The following MORC4 variants were observed in gnomAD, a reference collection of about 807,000 sequenced individuals.
MORC4 encodes MORC family CW-type zinc finger 4, also known as MORC family CW-type zinc finger protein 4.
A neutral mutation model predicts 65.5 loss-of-function variants in MORC4; 22 were observed. That is an observed-to-expected ratio of 0.34 (90% CI 0.24 to 0.48). The LOEUF (loss-of-function observed/expected upper bound fraction) is 0.48. Among genes scored for constraint, MORC4 ranks in the 20% least tolerant of loss-of-function variants. MORC4 has a pLI of 0.99. For missense variants in MORC4, 624 were observed against 703.0 expected, an observed-to-expected ratio of 0.89 and a Z score of 1.27; for synonymous variants, 267 against 255.8, an observed-to-expected ratio of 1.04 and a Z score of -0.42.
chrX:106,947,573 A>ATATATATATATATATAATATATATAT (rs1933870065), intron 14 of MORC4, among the ~76,000 whole-genome samples: 1 of 72,564 alleles, frequency 1.4e-5, no homozygotes, highest in African/African-American at 8.0e-5. Context: ...TATATATATT[A>ATATATATATATATATAATATATATAT]TATATATATA....
At chrX:106,954,862 AAAACAG>A in intron 14 of MORC4, 45 bp downstream of exon 14, 1 of 1,115,521 alleles carries the variant, frequency 9.0e-7, no homozygotes. Flanking sequence ...ACTCTACAGG[AAAACAG>A]ACTCTAAAGC....
At position 106,942,522 on chromosome X, in the gene MORC4, TG is replaced by T. The variant is rs769688744; in HGVS notation, c.2368del (p.Gln790SerfsTer26). On this transcript the variant is annotated frameshift_variant, in exon 15 of 17. Transcript: ENST00000355610. LOFTEE classifies it high-confidence loss of function. ...ERVLAERNLFQQKVEELEQER... is the reference protein window; with the variant it reads ...ERVLAERNLFXQKVEELEQER... ...GTGAGGTATTACCCTAACCTTTTGC[TG>T]GAACAAATTCCTTTCAGCCAAAACA... The T allele has an allele frequency of 8.3e-7, 1 of 1,208,651 alleles. No homozygotes were observed. The highest frequency in any genetic ancestry group is 3.0e-5 in the East Asian group (1 of 33,852).
intron 15 of MORC4, 90 bp downstream of exon 15, chrX:106,942,425 G>T: frequency 1.1e-6 from 1 of 918,921 alleles, no homozygotes; most frequent in Non-Finnish European, 1.5e-6. Flanking sequence ...TTATTTAAAG[G>T]CCTCAGAACA....
intron 9 of MORC4, among the ~76,000 whole-genome samples, chrX:106,972,640 C>T (rs1196297094): frequency 1.8e-5 from 2 of 111,429 alleles, no homozygotes; most frequent in South Asian, 7.7e-4. Flanking sequence ...GGCACGCTAG[C>T]ATGAAAGCTA....
At chrX:106,998,036 T>C (rs938958182) in intron 2 of MORC4, among the ~76,000 whole-genome samples, 1 of 112,659 alleles carries the variant, frequency 8.9e-6, no homozygotes, top group African/African-American at 3.2e-5. Flanking sequence ...ATCTGTGTTG[T>C]ATTCATTTTT....
At chrX:106,960,289 G>A (rs1003918419) in intron 10 of MORC4, among the ~76,000 whole-genome samples, 4 of 112,309 alleles carry the variant, frequency 3.6e-5, no homozygotes, top group East Asian at 5.6e-4. Flanking sequence ...CCTCTGTTTC[G>A]GGTTCCATGC....
chrX:106,972,376 T>C (rs1297334278), intron 9 of MORC4, among the ~76,000 whole-genome samples: 1 of 110,629 alleles, frequency 9.0e-6, no homozygotes, highest in African/African-American at 3.3e-5. Context: ...GGTGAAGGGT[T>C]GATGGGTGCA....
At position 106,943,118 on chromosome X, in the gene MORC4, G is replaced by A. The variant is rs1487385993; in HGVS notation, c.1773C>T (p.Ser591=). ...NEMTTPSLDY[S]MPAPYRRVEA... ...CTACCCTCCTGTAAGGAGCAGGCAT[G>A]GAATAATCTAGAGAAGGTGTTGTCA... is the stretch of plus-strand genomic sequence containing the variant. The change falls in exon 15 of 17, where the codon TCC becomes TCT. Residue 591 remains serine (S), a synonymous_variant. Transcript: ENST00000355610. 3.3e-6 allele frequency: 4 copies of A among 1,210,730 alleles called. No individual in the cohort carries two copies. In the East Asian group the frequency reaches 8.9e-5, roughly 27 times the overall value.
rs942633597 is a variant in MORC4, at chrX:106,958,389, T to G, written c.1332A>C (p.Pro444=). 3 of 1,200,990 alleles carry G rather than the reference T, an allele frequency of 2.5e-6. No individual in the cohort carries two copies. In the African/African-American group the frequency reaches 5.3e-5, roughly 21 times the overall value. Residue 444 remains proline, a synonymous_variant, in exon 11 of 17, where the codon CCA becomes CCC. Transcript: ENST00000355610. ...AAAACCATCTTGCAGGTAACATGGA[T>G]GGATCAATCTTCCCAGGAAGCTTTC... ...KWRKLPGKID[P]SMLPARWFCY... is the part of the protein sequence containing the mutation.
In MORC4 at chrX:106,943,086, G is replaced by A; in HGVS notation, c.1805C>T (p.Pro602Leu). ...GTTCTCCCCTTCTGGGTAGGCAACA[G>A]GTGCTTCTACCCTCCTGTAAGGAGC... ...MPAPYRRVEAPVAYPEGENSH... is the reference protein window; with the variant it reads ...MPAPYRRVEALVAYPEGENSH... The change falls in exon 15 of 17, where the codon CCT becomes CTT. Residue 602 changes from proline (P) to leucine (L), a missense_variant. Pro to Leu is a moderately conservative substitution (Grantham distance 98). Coordinates refer to ENST00000355610, the MANE Select transcript of MORC4 (RefSeq NM_024657.5). 2 of 1,210,809 alleles carry A rather than the reference G, an allele frequency of 1.7e-6. No individual in the cohort carries two copies. The highest frequency in any genetic ancestry group is 2.2e-6 in the Non-Finnish European group (2 of 894,565).
At chrX:106,967,258 A>G (rs1018838225) in intron 9 of MORC4, among the ~76,000 whole-genome samples, 1 of 112,156 alleles carries the variant, frequency 8.9e-6, no homozygotes, top group Non-Finnish European at 1.9e-5. Flanking sequence ...AGAAAGGCAT[A>G]GCATCAACAT....
intron 5 of MORC4, among the ~76,000 whole-genome samples, chrX:106,981,858 C>G (rs1384665107): frequency 4.5e-5 from 5 of 111,888 alleles, no homozygotes; most frequent in Non-Finnish European, 7.5e-5. Flanking sequence ...ACTGAATAAA[C>G]AGATGAATCA....
In MORC4 at chrX:106,976,598, A is replaced by G. The variant is rs908669843; in HGVS notation, c.1143T>C (p.Tyr381=). The G allele has an allele frequency of 2.5e-6, 3 of 1,199,802 alleles. No individual in the cohort carries two copies. The African/African-American group carries it at 5.3e-5, about 21-fold the overall frequency. The change falls in exon 9 of 17, where the codon TAT becomes TAC. Residue 381 remains tyrosine, a synonymous_variant. Transcript: ENST00000355610. ...KPAYNKQDFE[Y]TKEYRLTINA... is the part of the protein sequence containing the mutation. ...GAGTGACTCACCGGTACTCCTTGGT[A>G]TACTCAAAGTCTTGTTTGTTGTAGG...
intron 8 of MORC4, 37 bp from the exon 9 acceptor site, chrX:106,976,721 T>C: frequency 9.8e-7 from 1 of 1,016,954 alleles, no homozygotes; most frequent in African/African-American, 1.8e-5. Flanking sequence ...CTTACATTAC[T>C]GTTGGCTGCC....
chrX:106,949,176 CTGT>C (rs1168167414), intron 14 of MORC4, among the ~76,000 whole-genome samples: 5 of 111,381 alleles, frequency 4.5e-5, no homozygotes, highest in African/African-American at 1.6e-4. Flanking sequence ...CTCTAATGTG[CTGT>C]TGAGTCCCTT....
At chrX:106,950,273 C>T (rs192673322) in intron 14 of MORC4, among the ~76,000 whole-genome samples, 9 of 111,360 alleles carry the variant, frequency 8.1e-5, no homozygotes, top group Non-Finnish European at 1.7e-4. Context: ...GTTATAATTG[C>T]CCTCATAATT....
chrX:106,956,432 T>TG, intron 13 of MORC4, 48 bp downstream of exon 13: 2 of 1,052,908 alleles, frequency 1.9e-6, no homozygotes, highest in Non-Finnish European at 2.7e-6. Flanking sequence ...TATTTTCTGT[T>TG]GGGGAAAATG....
intron 9 of MORC4, among the ~76,000 whole-genome samples, chrX:106,970,847 T>G (rs1934493639): frequency 8.9e-6 from 1 of 111,825 alleles, no homozygotes; most frequent in African/African-American, 3.3e-5. Flanking sequence ...CACTCCATGC[T>G]CATGGATAGG....
intron 15 of MORC4, 35 bp from the exon 16 acceptor site, chrX:106,942,256 C>A (rs780578045): frequency 4.2e-6 from 5 of 1,176,569 alleles, no homozygotes; most frequent in Non-Finnish European, 4.6e-6. Context: ...AATGACCCCA[C>A]AAAAGAGCAC....
Sources: gnomAD v4.1 joint callset for allele counts (sites outside exome capture counted in the v4.1 genomes callset) on GRCh38, gnomAD v4.1.1 for gene constraint, MANE v1.5 for transcripts, NCBI Gene and HGNC (gene_info 2026-07-23, HGNC 2026-07-21) for gene names.